The following GALNT9 variants were observed in gnomAD, a reference collection of about 807,000 sequenced individuals.
GALNT9 encodes GalNAc transferase 9.
In GALNT9, 47 loss-of-function variants were observed where a neutral mutation model predicts 63.1. The ratio of observed to expected loss-of-function variants is 0.75; its 90% CI spans 0.59 to 0.95. The LOEUF (loss-of-function observed/expected upper bound fraction) is 0.95, where lower values mean the gene tolerates loss of function less well. Among genes scored for constraint, GALNT9 ranks in the 40% least tolerant of loss-of-function variants. The pLI, the probability that GALNT9 is intolerant of heterozygous loss-of-function variation, is 0.00. For synonymous variants in GALNT9, 396 were observed against 365.7 expected, an observed-to-expected ratio of 1.08 and a Z score of -0.94; for missense variants, 829 against 874.8, an observed-to-expected ratio of 0.95 and a Z score of 0.66.
At chr12:132,300,221 AC>A (rs1402747332) in intron 1 of GALNT9, among the ~76,000 whole-genome samples, 1 of 148,476 alleles carries the variant, frequency 6.7e-6, no homozygotes, top group Non-Finnish European at 1.5e-5. Flanking sequence ...CCCTGAGATA[AC>A]CAAGCCACTG....
intron 8 of GALNT9, 47 bp from the exon 9 acceptor site, chr12:132,199,316 C>CA (rs763811708): frequency 2.8e-6 from 4 of 1,408,914 alleles, no homozygotes; most frequent in African/African-American, 2.8e-5. Context: ...CCCGAGGGTG[C>CA]GGCCCCAGGG....
chr12:132,228,197 T>G (rs1877766264), intron 6 of GALNT9, among the ~76,000 whole-genome samples: 1 of 152,016 alleles, frequency 6.6e-6, no homozygotes, highest in East Asian at 1.9e-4. Flanking sequence ...CCTCTCCCTC[T>G]GCCCTCCACT....
In GALNT9 at chr12:132,247,699, C is replaced by A. The variant is rs1309782464; in HGVS notation, c.1077+211G>T. 4.1e-6 allele frequency: 3 copies of A among 734,442 alleles called. No individual in the cohort carries two copies. In the East Asian group the frequency reaches 1.1e-4, roughly 26 times the overall value. 45.5% of individuals were successfully genotyped at this position (734,442 alleles called of 1,614,324 possible). Reference sequence around the variant, plus strand: ...GATGCCGTGGCCGCACTCGCCCTCACCCCGTCCCCAGACACCGCGGCCTCA... The same window carrying A: ...GATGCCGTGGCCGCACTCGCCCTCAACCCGTCCCCAGACACCGCGGCCTCA... On this transcript the variant is annotated intron_variant, in intron 6 of 10. Coordinates refer to ENST00000328957, the MANE Select transcript of GALNT9 (RefSeq NM_001122636.2).
intron 6 of GALNT9, among the ~76,000 whole-genome samples, chr12:132,225,495 A>G (rs1314748475): frequency 2.0e-5 from 3 of 146,480 alleles, no homozygotes; most frequent in Non-Finnish European, 4.5e-5. Flanking sequence ...CATACATACC[A>G]CACAATCCAC....
intron 5 of GALNT9, among the ~76,000 whole-genome samples, chr12:132,251,673 G>A (rs564840168): frequency 9.2e-5 from 14 of 152,170 alleles, no homozygotes; most frequent in African/African-American, 2.9e-4. Flanking sequence ...CCCAGCCCCC[G>A]GCAGACAGGG....
chr12:132,237,966 G>C (rs985611375), intron 6 of GALNT9, among the ~76,000 whole-genome samples: 12 of 152,152 alleles, frequency 7.9e-5, no homozygotes, highest in Admixed American at 7.2e-4. Context: ...TCTCCCCAGC[G>C]TGCGGCCTAG....
At chr12:132,305,246 GAATCGCCCAGACACAC>G in intron 1 of GALNT9, among the ~76,000 whole-genome samples, 1 of 29,982 alleles carries the variant, frequency 3.3e-5, no homozygotes. Flanking sequence ...CCCGGGCACA[GAATCGCCCAGACACAC>G]CCTCACCGGG....
chr12:132,256,075 T>G (rs1475754986), intron 5 of GALNT9, among the ~76,000 whole-genome samples: 2 of 151,802 alleles, frequency 1.3e-5, no homozygotes, highest in African/African-American at 2.4e-5. Context: ...CTTTGAGGGG[T>G]GAAATTTATA....
rs58479183 is a variant in GALNT9 at position 132,265,202 on chromosome 12, C to T, written c.420-2577G>A. ...ATGCCCATCAATGAGGAAGGCAAGT[C>T]GCTCACCCCGAAGTTCAGCCCCCAG... On this transcript the variant is annotated intron_variant, in intron 2 of 10. Transcript: ENST00000328957. The surrounding 1 kb of genome is among the most constrained non-coding windows in gnomAD (Gnocchi z 5.3). Among the ~76,000 whole-genome samples, 10,807 of 152,236 alleles carry T rather than the reference C, an allele frequency of 0.071. 1,286 individuals carry two copies. Among genetic ancestry groups the T allele is most frequent in the African/African-American group, 0.25 (10,174 of 41,504 alleles).
At chr12:132,266,716 T>C (rs1485672867) in intron 2 of GALNT9, among the ~76,000 whole-genome samples, 1 of 152,230 alleles carries the variant, frequency 6.6e-6, no homozygotes, top group Non-Finnish European at 1.5e-5. Flanking sequence ...TTGTGGCTCC[T>C]TGTTACAGTG....
intron 6 of GALNT9, among the ~76,000 whole-genome samples, chr12:132,206,818 C>T (rs78685855): frequency 0.032 from 4,910 of 152,152 alleles, 254 homozygotes; most frequent in African/African-American, 0.11. Flanking sequence ...GTGCGGCACG[C>T]CATACCCCGT....
intron 5 of GALNT9, among the ~76,000 whole-genome samples, chr12:132,254,819 G>A (rs28640106): frequency 0.043 from 6,495 of 152,276 alleles, 193 homozygotes; most frequent in Non-Finnish European, 0.07. Flanking sequence ...TCCCCAAGTG[G>A]AGCAGCAGCA....
At chr12:132,308,559 G>A (rs1484906029) in intron 1 of GALNT9, among the ~76,000 whole-genome samples, 6 of 151,940 alleles carry the variant, frequency 3.9e-5, no homozygotes, top group East Asian at 1.9e-4. Context: ...GCAGCCCCAC[G>A]AACGCAGGGT....
rs182973733 is a variant in GALNT9 at position 132,261,398 on chromosome 12, G to A, written c.587-276C>T. Among the ~76,000 whole-genome samples the A allele has an allele frequency of 3.2e-3, 495 of 152,310 alleles. 1 individual carries two copies. Among genetic ancestry groups the A allele is most frequent in the Non-Finnish European group, 5.8e-3 (396 of 68,024 alleles). ...GACAGACAGCAGCCCATGCTGTGGAGACACAGGACTGCAGTCAGCTGTAAA... is the reference window on the plus strand; with the variant it reads ...GACAGACAGCAGCCCATGCTGTGGAAACACAGGACTGCAGTCAGCTGTAAA... On this transcript the variant is annotated intron_variant, in intron 3 of 10. Coordinates refer to ENST00000328957, the MANE Select transcript of GALNT9 (RefSeq NM_001122636.2).
intron 1 of GALNT9, among the ~76,000 whole-genome samples, chr12:132,309,442 G>A (rs1881735280): frequency 6.6e-6 from 1 of 152,238 alleles, no homozygotes; most frequent in Non-Finnish European, 1.5e-5. Context: ...TGAACCTGTG[G>A]ATGTGGGAGT....
At chr12:132,225,070 C>T (rs1310552396) in intron 6 of GALNT9, among the ~76,000 whole-genome samples, 3 of 131,912 alleles carry the variant, frequency 2.3e-5, no homozygotes, top group African/African-American at 8.6e-5. Context: ...ACCACCCCCC[C>T]ACACACAACC....
chr12:132,207,008 T>G (rs1876737421), intron 6 of GALNT9, among the ~76,000 whole-genome samples: 2 of 152,180 alleles, frequency 1.3e-5, no homozygotes, highest in African/African-American at 4.8e-5. Context: ...GAGGCTGCAG[T>G]GAGCCAAGAT....
chr12:132,216,192 A>C (rs1304620263), intron 6 of GALNT9, among the ~76,000 whole-genome samples: 12 of 152,160 alleles, frequency 7.9e-5, no homozygotes, highest in African/African-American at 2.9e-4. Context: ...TAAGACAGAG[A>C]CATGAGAGAC....
chr12:132,219,703 AG>A (rs1299167835), intron 6 of GALNT9, among the ~76,000 whole-genome samples: 9 of 145,036 alleles, frequency 6.2e-5, no homozygotes, highest in African/African-American at 1.8e-4. Flanking sequence ...CGCCCGGGTA[AG>A]GGGAAGGGAC....
Sources: allele counts gnomAD v4.1 joint callset (sites outside exome capture counted in the v4.1 genomes callset), GRCh38; gene constraint gnomAD v4.1.1; non-coding constraint Gnocchi (gnomAD v3.1); transcripts MANE v1.5; gene names NCBI Gene and HGNC (gene_info 2026-07-23, HGNC 2026-07-21).